The following DIP2C variants were observed in gnomAD, a reference collection of about 807,000 sequenced individuals.
DIP2C encodes the protein DIP2 acetate--CoA ligase C (putative).
A neutral mutation model predicts 192.4 loss-of-function variants in DIP2C; 33 were observed. The observed-to-expected ratio is 0.17, with a 90% CI of 0.13 to 0.23. DIP2C has a LOEUF of 0.23. Among genes scored for constraint, DIP2C ranks in the 10% least tolerant of loss-of-function variants. The probability of loss-of-function intolerance (pLI) is 1.00; values close to 1 mark genes in which losing one functional copy is unlikely to be tolerated. For missense variants in DIP2C, 1,537 were observed against 2,110.1 expected, an observed-to-expected ratio of 0.73 and a Z score of 5.32; for synonymous variants, 979 against 864.1, an observed-to-expected ratio of 1.13 and a Z score of -2.33.
chr10:398,973 C>A, intron 10 of DIP2C, 136 bp downstream of exon 10: 1 of 695,740 alleles, frequency 1.4e-6, no homozygotes, highest in South Asian at 1.8e-5. Flanking sequence ...CCACTAGCGA[C>A]CGCATCCCTT....
At chr10:471,362 CAGAG>C (rs765601457) in intron 3 of DIP2C, among the ~76,000 whole-genome samples, 1 of 152,182 alleles carries the variant, frequency 6.6e-6, no homozygotes, top group African/African-American at 2.4e-5. Flanking sequence ...CCTGCATGGA[CAGAG>C]AGATTCATTA....
intron 1 of DIP2C, among the ~76,000 whole-genome samples, chr10:565,368 A>C (rs1350374944): frequency 6.6e-6 from 1 of 151,858 alleles, no homozygotes; most frequent in Non-Finnish European, 1.5e-5. Flanking sequence ...AAAAAAAAAA[A>C]AAAGACCTAG....
At chr10:623,231 G>A (rs907413882) in intron 1 of DIP2C, among the ~76,000 whole-genome samples, 1 of 151,662 alleles carries the variant, frequency 6.6e-6, no homozygotes, top group African/African-American at 2.4e-5. Flanking sequence ...TGCTGCAGCC[G>A]GGCTGGCGAG....
intron 17 of DIP2C, among the ~76,000 whole-genome samples, chr10:378,067 T>C (rs1332378139): frequency 1.3e-5 from 2 of 152,212 alleles, no homozygotes; most frequent in South Asian, 2.1e-4. Flanking sequence ...GGAAACAGTT[T>C]CCTGGTTTTC....
chr10:605,545 G>A (rs1213591552), intron 1 of DIP2C, among the ~76,000 whole-genome samples: 1 of 152,166 alleles, frequency 6.6e-6, no homozygotes, highest in Admixed American at 6.5e-5. Flanking sequence ...AGCTTAAGCC[G>A]AATCTGTGAA....
chr10:282,466 G>T (rs1954880659), intron 35 of DIP2C, among the ~76,000 whole-genome samples: 1 of 152,248 alleles, frequency 6.6e-6, no homozygotes, highest in South Asian at 2.1e-4. Context: ...ATGTAAGGAA[G>T]CCTTACTGAT....
chr10:512,328 G>A (rs1366394306), intron 1 of DIP2C, among the ~76,000 whole-genome samples: 1 of 152,190 alleles, frequency 6.6e-6, no homozygotes, highest in Admixed American at 6.5e-5. Context: ...GGAGGCTGAG[G>A]CAGGCAGATT....
At chr10:465,054 T>C (rs1452686024) in intron 3 of DIP2C, among the ~76,000 whole-genome samples, 1 of 145,742 alleles carries the variant, frequency 6.9e-6, no homozygotes, top group Non-Finnish European at 1.5e-5. Flanking sequence ...AGCATCATTC[T>C]GATACCAAAG....
At chr10:548,774 A>AT (rs896388351) in intron 1 of DIP2C, among the ~76,000 whole-genome samples, 23 of 151,998 alleles carry the variant, frequency 1.5e-4, no homozygotes, top group African/African-American at 5.3e-4. Flanking sequence ...TATGGATGAC[A>AT]TTTTAATTAA....
intron 17 of DIP2C, among the ~76,000 whole-genome samples, chr10:380,213 G>A (rs1475700461): frequency 6.6e-6 from 1 of 150,392 alleles, no homozygotes; most frequent in Non-Finnish European, 1.5e-5. Flanking sequence ...GGCTCTCCCT[G>A]GATGATGGTT....
At chr10:580,095 A>T (rs1053521560) in intron 1 of DIP2C, among the ~76,000 whole-genome samples, 1 of 152,162 alleles carries the variant, frequency 6.6e-6, no homozygotes, top group Non-Finnish European at 1.5e-5. Context: ...ACACATGCAC[A>T]TTTGTATGTA....
rs1396614598 is a variant in DIP2C, at chr10:618,065, CTCTT to C, written c.85+71425_85+71428del. ...ATTGTGTGTTTAAAATTCCAAAATA[CTCTT>C]TCAGAATGCTATTGGCATTTGGTCT... is the stretch of plus-strand genomic sequence containing the variant. On this transcript the variant is annotated intron_variant, in intron 1 of 36. Coordinates refer to ENST00000280886, the MANE Select transcript of DIP2C (RefSeq NM_014974.3). Among the ~76,000 whole-genome samples the C allele has an allele frequency of 5.3e-5, 8 of 152,332 alleles. No homozygotes were observed. In the East Asian group the frequency reaches 1.5e-3, roughly 29 times the overall value.
At position 366,427 on chromosome 10, in the gene DIP2C, A is replaced by G; in HGVS notation, c.2132-16T>C. On this transcript the variant is annotated splice_polypyrimidine_tract_variant and intron_variant, in intron 18 of 36. Transcript: ENST00000280886. ...CACATGATGGCTAAAAGCAAACAGG[A>G]AAGCACATGCAGTGTGAGAGGGGGC... 6.2e-7 allele frequency: 1 copy of G among 1,614,154 alleles called. No individual in the cohort carries two copies. Among genetic ancestry groups the G allele is most frequent in the Non-Finnish European group, 8.5e-7 (1 of 1,180,034 alleles).
chr10:450,528 A>C (rs1342967709), intron 3 of DIP2C, among the ~76,000 whole-genome samples: 4 of 152,210 alleles, frequency 2.6e-5, no homozygotes, highest in South Asian at 4.1e-4. Context: ...GAAAATAAAA[A>C]AGACTGTATA....
At chr10:548,217 C>G (rs887352475) in intron 1 of DIP2C, among the ~76,000 whole-genome samples, 1 of 129,732 alleles carries the variant, frequency 7.7e-6, no homozygotes, top group East Asian at 2.3e-4. Context: ...CACCCCCCCC[C>G]CCACAGGAAA....
chr10:502,032 GTTACTCA>G, intron 1 of DIP2C, among the ~76,000 whole-genome samples: 1 of 152,272 alleles, frequency 6.6e-6, no homozygotes. Context: ...TGTAGTCTCA[GTTACTCA>G]GTAGGCTGAG....
chr10:400,042 G>A (rs1202239241), intron 9 of DIP2C, among the ~76,000 whole-genome samples: 3 of 152,160 alleles, frequency 2.0e-5, no homozygotes, highest in African/African-American at 7.2e-5. Flanking sequence ...CCTACTAATA[G>A]ATATTATGAT....
chr10:279,247 G>A (rs1213711339), intron 36 of DIP2C, among the ~76,000 whole-genome samples: 1 of 152,150 alleles, frequency 6.6e-6, no homozygotes, highest in African/African-American at 2.4e-5. Context: ...GCTCTACATG[G>A]CCCATGTGAG....
At chr10:307,535 G>C (rs1363783382) in intron 32 of DIP2C, among the ~76,000 whole-genome samples, 1 of 152,196 alleles carries the variant, frequency 6.6e-6, no homozygotes, top group Admixed American at 6.5e-5. Flanking sequence ...CGGACTGTGA[G>C]TGGGTGGTGA....
Sources: gnomAD v4.1 joint callset for allele counts (sites outside exome capture counted in the v4.1 genomes callset) on GRCh38, gnomAD v4.1.1 for gene constraint, MANE v1.5 for transcripts, NCBI Gene and HGNC (gene_info 2026-07-23, HGNC 2026-07-21) for gene names.